The following DPP6 variants were observed in gnomAD, a reference collection of about 807,000 sequenced individuals.
DPP6 encodes dipeptidyl peptidase like 6, also known as A-type potassium channel modulatory protein DPP6.
Under a neutral mutation model 122.6 loss-of-function variants are expected in DPP6, and 69 were observed. The ratio of observed to expected loss-of-function variants is 0.56; its 90% CI spans 0.46 to 0.69. The LOEUF is 0.69. Ranked by LOEUF, DPP6 falls within the 30% of genes least tolerant of loss-of-function variation. The pLI is 0.00. For missense variants in DPP6, 928 were observed against 1,116.9 expected (o/e 0.83, Z 2.41); for synonymous variants, 418 against 433.1 (o/e 0.97, Z 0.43).
chr7:154,059,866 T>C lies in DPP6; in HGVS notation c.243+6803T>C, dbSNP rs575998510. Among the ~76,000 whole-genome samples, 18 of 151,276 alleles carry C rather than the reference T, an allele frequency of 1.2e-4. No individual in the cohort carries two copies. The South Asian group carries it at 3.5e-3, about 30-fold the overall frequency. On this transcript the variant is annotated intron_variant, in intron 1 of 25. Transcript: ENST00000377770. ...GGGTTGCTAAAGGATGGCCCCCCTA[T>C]TTGACGGCCTTGGCAGCAACTGCCC...
At chr7:154,059,811 C>T (rs1480337515) in intron 1 of DPP6, among the ~76,000 whole-genome samples, 1 of 151,328 alleles carries the variant, frequency 6.6e-6, no homozygotes. Context: ...TGGCTGAGGC[C>T]CGTAGCCTAC....
intron 1 of DPP6, among the ~76,000 whole-genome samples, chr7:154,071,226 G>A (rs1803098933): frequency 6.6e-6 from 1 of 152,060 alleles, no homozygotes; most frequent in African/African-American, 2.4e-5. Context: ...AAGGAGAAAG[G>A]GAAGCTACGT....
intron 1 of DPP6, among the ~76,000 whole-genome samples, chr7:154,358,569 TG>T (rs1434152108): frequency 5.3e-5 from 8 of 152,162 alleles, no homozygotes; most frequent in Non-Finnish European, 7.4e-5. Flanking sequence ...GCACTCGACG[TG>T]TGGGGGCAGT....
rs536117230 is a variant in DPP6 at position 154,001,349 on chromosome 7, T to G, written c.51+113615T>G. On this transcript the variant is annotated intron_variant, in intron 1 of 25. Transcript: ENST00000404039. ...AGCCCATCAATTATGTATGTACTTATGTATGTAAACCCTGTTACCATCCTG... is the reference window on the plus strand; with the variant it reads ...AGCCCATCAATTATGTATGTACTTAGGTATGTAAACCCTGTTACCATCCTG... Among the ~76,000 whole-genome samples, 3 of 146,978 alleles carry G rather than the reference T, an allele frequency of 2.0e-5. 1 individual carries two copies. Among genetic ancestry groups the G allele is most frequent in the African/African-American group, 7.6e-5 (3 of 39,602 alleles).
intron 1 of DPP6, among the ~76,000 whole-genome samples, chr7:154,317,087 C>G (rs1042318843): frequency 3.9e-5 from 6 of 152,196 alleles, no homozygotes; most frequent in Admixed American, 3.9e-4. Flanking sequence ...CCTGTCCCCC[C>G]ACCAATCTGG....
At chr7:154,883,074 C>T (rs1206696529) in intron 21 of DPP6, among the ~76,000 whole-genome samples, 2 of 151,142 alleles carry the variant, frequency 1.3e-5, no homozygotes, top group East Asian at 2.0e-4. Flanking sequence ...CACACATGCT[C>T]ACCCATACAC....
At chr7:154,391,175 C>T (rs75218471) in intron 1 of DPP6, among the ~76,000 whole-genome samples, 1 of 152,298 alleles carries the variant, frequency 6.6e-6, no homozygotes, top group Non-Finnish European at 1.5e-5. Context: ...CACAGTGCCA[C>T]GCGTGGGGGC....
intron 1 of DPP6, among the ~76,000 whole-genome samples, chr7:154,165,798 A>G (rs754201000): frequency 3.5e-4 from 53 of 152,214 alleles, no homozygotes; most frequent in Non-Finnish European, 6.3e-4. Flanking sequence ...GGCTGCATAA[A>G]TGTCTTCTTT....
intron 1 of DPP6, among the ~76,000 whole-genome samples, chr7:154,157,491 T>G (rs936496352): frequency 2.0e-5 from 3 of 152,350 alleles, no homozygotes; most frequent in African/African-American, 4.8e-5. Context: ...ACACTGACTT[T>G]TATTGGCTCA....
intron 1 of DPP6, among the ~76,000 whole-genome samples, chr7:154,066,013 G>A (rs914316358): frequency 3.3e-5 from 5 of 149,324 alleles, no homozygotes; most frequent in African/African-American, 1.2e-4. Flanking sequence ...TGTGACTACT[G>A]AAATATCAGC....
intron 1 of DPP6, among the ~76,000 whole-genome samples, chr7:154,367,485 C>G (rs1192378375): frequency 6.6e-6 from 1 of 152,056 alleles, no homozygotes; most frequent in East Asian, 1.9e-4. Context: ...ATTTGAGAAG[C>G]TTGGCCTTAT....
At position 154,623,952 on chromosome 7, in the gene DPP6, C is replaced by T. The variant is rs545778193; in HGVS notation, c.628-13869C>T. Among the ~76,000 whole-genome samples, 47 of 152,290 alleles carry T rather than the reference C, an allele frequency of 3.1e-4. 1 individual carries two copies. The South Asian group carries it at 8.9e-3, about 29-fold the overall frequency. ...GGGCATGGTATAATCCCAGCACTTT[C>T]GGAGGCCAAGGCAGGTGGATCACTT... On this transcript the variant is annotated intron_variant, in intron 5 of 25. Transcript: ENST00000377770.
the DPP6 span, among the ~76,000 whole-genome samples, chr7:153,766,098 C>T: frequency 1.2e-4 from 19 of 152,328 alleles, no homozygotes; most frequent in Admixed American, 9.1e-4. Flanking sequence ...CTAAATAATA[C>T]ATTTTGTCAT....
At chr7:153,813,800 GT>G in the DPP6 span, among the ~76,000 whole-genome samples, 1 of 151,654 alleles carries the variant, frequency 6.6e-6, no homozygotes, top group Non-Finnish European at 1.5e-5. Context: ...TTTTTCATGT[GT>G]TTTTTGGCTG....
chr7:153,782,629 A>G, the DPP6 span, among the ~76,000 whole-genome samples: 2 of 152,146 alleles, frequency 1.3e-5, no homozygotes, highest in Non-Finnish European at 2.9e-5. Context: ...CTTTTCAAGT[A>G]CAGATGTGCT....
chr7:153,888,450 C>T (rs1799039577), intron 1 of DPP6, among the ~76,000 whole-genome samples: 1 of 152,152 alleles, frequency 6.6e-6, no homozygotes, highest in Non-Finnish European at 1.5e-5. Context: ...CGGCGATCCG[C>T]CTCCCCAGCG....
intron 7 of DPP6, among the ~76,000 whole-genome samples, chr7:154,701,975 C>A (rs1840555990): frequency 6.6e-6 from 1 of 152,240 alleles, no homozygotes; most frequent in Non-Finnish European, 1.5e-5. Context: ...CTGCTTTGAG[C>A]AGGTCTGTTG....
At chr7:153,941,302 T>G (rs546638088) in intron 1 of DPP6, among the ~76,000 whole-genome samples, 1 of 152,314 alleles carries the variant, frequency 6.6e-6, no homozygotes, top group Non-Finnish European at 1.5e-5. Flanking sequence ...GAATGCCATG[T>G]GAACAAACTG....
intron 1 of DPP6, among the ~76,000 whole-genome samples, chr7:154,098,616 C>A (rs896531767): frequency 1.3e-5 from 2 of 151,428 alleles, no homozygotes; most frequent in Non-Finnish European, 1.5e-5. Flanking sequence ...CATTGAGCTC[C>A]AGGGATTGGC....
Sources: gnomAD v4.1 joint callset for allele counts (sites outside exome capture counted in the v4.1 genomes callset) on GRCh38, gnomAD v4.1.1 for gene constraint, MANE v1.5 for transcripts, NCBI Gene and HGNC (gene_info 2026-07-23, HGNC 2026-07-21) for gene names.